The following TENM1 variants were observed in gnomAD, a reference collection of about 807,000 sequenced individuals.
The protein encoded by TENM1 is teneurin transmembrane protein 1.
TENM1 carries 35 observed loss-of-function variants against 174.8 expected under a neutral mutation model. That is an observed-to-expected ratio of 0.20 (90% CI 0.15 to 0.27). The LOEUF is 0.27. Among genes scored for constraint, TENM1 ranks in the 10% least tolerant of loss-of-function variants. TENM1 has a pLI of 1.00. For missense variants in TENM1, 1,633 were observed against 2,130.1 expected (o/e 0.77, Z 4.59); for synonymous variants, 781 against 798.7 (o/e 0.98, Z 0.37).
At chrX:124,542,791 G>A (rs1416338658) in intron 15 of TENM1, among the ~76,000 whole-genome samples, 2 of 111,226 alleles carry the variant, frequency 1.8e-5, no homozygotes, top group African/African-American at 3.3e-5. Flanking sequence ...GAGGCAGAGT[G>A]TATACCAACT....
At chrX:124,854,806 A>G (rs1327713263) in intron 3 of TENM1, among the ~76,000 whole-genome samples, 1 of 112,029 alleles carries the variant, frequency 8.9e-6, no homozygotes, top group Non-Finnish European at 1.9e-5. Flanking sequence ...AGTTTAAGTA[A>G]AGATTTTCAA....
chrX:125,141,425 T>A, the TENM1 span, among the ~76,000 whole-genome samples: 1 of 111,779 alleles, frequency 8.9e-6, no homozygotes, highest in African/African-American at 3.3e-5. Context: ...GCCACCTCAC[T>A]TCCTGGCATG....
chrX:124,695,827 G>C (rs2052636281), intron 5 of TENM1, among the ~76,000 whole-genome samples: 2 of 110,459 alleles, frequency 1.8e-5, no homozygotes, highest in African/African-American at 6.6e-5. Context: ...CCAGTTAATG[G>C]GTTATACATT....
chrX:125,106,698 T>C, the TENM1 span, among the ~76,000 whole-genome samples: 14 of 112,392 alleles, frequency 1.2e-4, no homozygotes, highest in East Asian at 5.6e-4. Flanking sequence ...CGTGAGCCAC[T>C]GCGCCCAGCC....
the TENM1 span, among the ~76,000 whole-genome samples, chrX:125,033,689 A>C: frequency 9.1e-6 from 1 of 110,318 alleles, no homozygotes; most frequent in East Asian, 2.9e-4. Flanking sequence ...TACCGTATAC[A>C]GATGGGAGCT....
chrX:124,516,156 G>A (rs1185402080), intron 18 of TENM1, among the ~76,000 whole-genome samples: 1 of 111,793 alleles, frequency 8.9e-6, no homozygotes, highest in East Asian at 2.8e-4. Flanking sequence ...ACATACAGGA[G>A]ATTGAAACTG....
the TENM1 span, among the ~76,000 whole-genome samples, chrX:125,070,256 T>C: frequency 9.0e-6 from 1 of 110,945 alleles, no homozygotes; most frequent in South Asian, 3.9e-4. Flanking sequence ...CACTGTGTTT[T>C]TGATTGGCAT....
intron 16 of TENM1, among the ~76,000 whole-genome samples, chrX:124,527,798 G>T (rs1443250007): frequency 1.9e-5 from 2 of 102,721 alleles, no homozygotes; most frequent in African/African-American, 7.2e-5. Flanking sequence ...ACAGGCGCCC[G>T]CCACCACGCC....
rs562642113 is a variant in TENM1 at position 124,921,437 on chromosome X, T to A, written c.218-25196A>T. ...ATTTTATGTATTATACTATACTTGT[T>A]TGTTTTATATAACAATATAACATGC... On this transcript the variant is annotated intron_variant, in intron 1 of 31. Transcript: ENST00000422452. Among the ~76,000 whole-genome samples the A allele has an allele frequency of 2.3e-3, 261 of 111,586 alleles. 1 individual carries two copies. The highest frequency in any genetic ancestry group is 7.9e-3 in the African/African-American group (243 of 30,841).
chrX:125,137,007 G>A, the TENM1 span, among the ~76,000 whole-genome samples: 1 of 111,219 alleles, frequency 9.0e-6, no homozygotes, highest in Non-Finnish European at 1.9e-5. Flanking sequence ...GGGCATTGGA[G>A]TCAGACAGAC....
chrX:124,950,194 A>C (rs2147778848), intron 1 of TENM1, among the ~76,000 whole-genome samples: 1 of 111,938 alleles, frequency 8.9e-6, no homozygotes, highest in East Asian at 2.8e-4. Flanking sequence ...CTATTAAGTA[A>C]AAGAGCAATT....
chrX:124,941,905 A>G (rs1379840933), intron 1 of TENM1, among the ~76,000 whole-genome samples: 1 of 111,932 alleles, frequency 8.9e-6, no homozygotes, highest in African/African-American at 3.2e-5. Flanking sequence ...CATGTCTTAC[A>G]TGGCAGCAGG....
rs186918440 is a variant in TENM1 at position 124,891,613 on chromosome X, C to T, written c.535+2683G>A. Reference sequence around the variant, plus strand: ...GGCAGAGGTTGCAGTGAGCCACGATCGCACCACTGCACTCCAGCCTGGCTA... The same window carrying T: ...GGCAGAGGTTGCAGTGAGCCACGATTGCACCACTGCACTCCAGCCTGGCTA... On this transcript the variant is annotated intron_variant, in intron 3 of 31. Coordinates refer to ENST00000422452, the Ensembl canonical transcript of TENM1. Among the ~76,000 whole-genome samples, 12 of 107,546 alleles carry T rather than the reference C, an allele frequency of 1.1e-4. No homozygotes were observed. In the East Asian group the frequency reaches 3.0e-3, roughly 26 times the overall value. The allele number at this position is 107,546 out of a possible 115,157, so 93.4% of individuals were successfully genotyped here.
At chrX:124,443,245 A>G (rs2060930080) in intron 23 of TENM1, among the ~76,000 whole-genome samples, 1 of 111,360 alleles carries the variant, frequency 9.0e-6, no homozygotes, top group Admixed American at 9.6e-5. Flanking sequence ...TCTAAGGACA[A>G]GAGAAAGTTG....
intron 3 of TENM1, among the ~76,000 whole-genome samples, chrX:124,777,366 C>G (rs904358463): frequency 3.6e-5 from 4 of 110,926 alleles, no homozygotes; most frequent in Non-Finnish European, 7.5e-5. Context: ...AGGAATGAGT[C>G]CCTTCTGACA....
intron 3 of TENM1, among the ~76,000 whole-genome samples, chrX:124,815,129 A>G (rs967281045): frequency 5.4e-5 from 6 of 111,644 alleles, no homozygotes; most frequent in African/African-American, 2.0e-4. Flanking sequence ...GAGGCTATGC[A>G]TGGCTGTGGA....
intron 3 of TENM1, among the ~76,000 whole-genome samples, chrX:124,827,698 CT>C (rs928418345): frequency 1.8e-5 from 2 of 111,865 alleles, no homozygotes; most frequent in Non-Finnish European, 3.8e-5. Context: ...AAAATATCTT[CT>C]GCTTTTGAAA....
intron 3 of TENM1, among the ~76,000 whole-genome samples, chrX:124,788,941 C>T (rs1179399251): frequency 1.8e-5 from 2 of 112,127 alleles, no homozygotes; most frequent in Non-Finnish European, 3.8e-5. Flanking sequence ...GGGCTTTGTC[C>T]CACATTTCCC....
intron 5 of TENM1, among the ~76,000 whole-genome samples, chrX:124,682,701 G>A (rs2052265180): frequency 9.0e-6 from 1 of 110,712 alleles, no homozygotes; most frequent in African/African-American, 3.3e-5. Context: ...CACCTCTGTG[G>A]TCTTCCTCTC....
Sources: allele counts gnomAD v4.1 joint callset (sites outside exome capture counted in the v4.1 genomes callset), GRCh38; gene constraint gnomAD v4.1.1; transcripts MANE v1.5; gene names NCBI Gene and HGNC (gene_info 2026-07-23, HGNC 2026-07-21).